Variants in ARK2C observed in about 807,000 individuals in gnomAD.
ARK2C encodes the protein E3 ubiquitin-protein ligase ARK2C.
the ARK2C span, among the ~76,000 whole-genome samples, chr18:46,367,888 G>C: frequency 1.3e-5 from 2 of 152,204 alleles, no homozygotes; most frequent in Non-Finnish European, 2.9e-5. Context: ...GATGGTGCAG[G>C]CATCTGTACT....
chr18:46,352,544 A>G, the ARK2C span, among the ~76,000 whole-genome samples: 57 of 152,304 alleles, frequency 3.7e-4, no homozygotes, highest in African/African-American at 1.3e-3. Context: ...GTGGTGCTCA[A>G]TATCAAGGAC....
chr18:46,407,768 T>C, the ARK2C span, among the ~76,000 whole-genome samples: 1 of 152,256 alleles, frequency 6.6e-6, no homozygotes, highest in Non-Finnish European at 1.5e-5. Context: ...TGGAGAATAC[T>C]ATGTTTAGAG....
At chr18:46,385,453 T>G in the ARK2C span, among the ~76,000 whole-genome samples, 1 of 152,216 alleles carries the variant, frequency 6.6e-6, no homozygotes, top group Non-Finnish European at 1.5e-5. Flanking sequence ...TGCACAAGGA[T>G]GTCCAGGTTG....
At chr18:46,449,146 A>G in the ARK2C span, among the ~76,000 whole-genome samples, 7 of 152,204 alleles carry the variant, frequency 4.6e-5, no homozygotes, top group Non-Finnish European at 4.4e-5. Flanking sequence ...CTGATTTTAA[A>G]GATTGGAAAA....
the ARK2C span, among the ~76,000 whole-genome samples, chr18:46,391,543 C>T: frequency 1.3e-5 from 2 of 152,092 alleles, no homozygotes; most frequent in Non-Finnish European, 2.9e-5. Flanking sequence ...AAGCCTGGAG[C>T]TCCTGAGGCC....
chr18:46,393,083 G>C, the ARK2C span, among the ~76,000 whole-genome samples: 1 of 152,198 alleles, frequency 6.6e-6, no homozygotes, highest in South Asian at 2.1e-4. Context: ...TGAGTCCTTC[G>C]CAATGTGAGG....
chr18:46,385,109 C>T, the ARK2C span, among the ~76,000 whole-genome samples: 1 of 152,162 alleles, frequency 6.6e-6, no homozygotes, highest in Non-Finnish European at 1.5e-5. Context: ...CCAACTCTGG[C>T]GTATATTCTC....
the ARK2C span, among the ~76,000 whole-genome samples, chr18:46,419,905 T>C: frequency 2.6e-4 from 39 of 152,196 alleles, no homozygotes; most frequent in Non-Finnish European, 5.1e-4. Flanking sequence ...CTTTCTTTCC[T>C]GTCTTCCTTT....
At chr18:46,347,392 C>T in the ARK2C span, among the ~76,000 whole-genome samples, 1 of 152,236 alleles carries the variant, frequency 6.6e-6, no homozygotes, top group Non-Finnish European at 1.5e-5. Context: ...TGCCTCCTCT[C>T]CTGCCCCTCT....
At chr18:46,414,706 C>A in the ARK2C span, among the ~76,000 whole-genome samples, 1 of 152,108 alleles carries the variant, frequency 6.6e-6, no homozygotes, top group African/African-American at 2.4e-5. Context: ...ATACACACAG[C>A]CTTGAGACTC....
At chr18:46,354,030 A>G in the ARK2C span, among the ~76,000 whole-genome samples, 2 of 152,186 alleles carry the variant, frequency 1.3e-5, no homozygotes. Flanking sequence ...AGCTCCCCAC[A>G]TCTCAGTCTC....
At chr18:46,449,812 G>A in the ARK2C span, among the ~76,000 whole-genome samples, 1 of 151,948 alleles carries the variant, frequency 6.6e-6, no homozygotes, top group Non-Finnish European at 1.5e-5. Flanking sequence ...TTTTTTTTAA[G>A]TTACCCATTC....
At chr18:46,382,991 C>T in the ARK2C span, among the ~76,000 whole-genome samples, 2 of 152,258 alleles carry the variant, frequency 1.3e-5, no homozygotes, top group African/African-American at 2.4e-5. Context: ...ACTCCCCCCA[C>T]CCCCTGGGTC....
the ARK2C span, among the ~76,000 whole-genome samples, chr18:46,397,624 G>T: frequency 7.4e-6 from 1 of 134,522 alleles, no homozygotes; most frequent in Non-Finnish European, 1.6e-5. Context: ...TCATGCTGAG[G>T]TGTGAGGGTG....
the ARK2C span, among the ~76,000 whole-genome samples, chr18:46,349,972 C>A: frequency 1.3e-5 from 2 of 152,168 alleles, no homozygotes; most frequent in South Asian, 2.1e-4. Flanking sequence ...TTTACACGTA[C>A]GTATCTGTAT....
chr18:46,353,812 A>T, the ARK2C span, among the ~76,000 whole-genome samples: 1 of 152,176 alleles, frequency 6.6e-6, no homozygotes, highest in South Asian at 2.1e-4. Context: ...AGCCCATGTC[A>T]AGGACCCAGA....
the ARK2C span, among the ~76,000 whole-genome samples, chr18:46,343,857 C>G: frequency 1.3e-5 from 2 of 152,244 alleles, no homozygotes; most frequent in African/African-American, 4.8e-5. Flanking sequence ...TGGCTAGTAG[C>G]CCACCCAGGG....
At chr18:46,360,620 C>G in the ARK2C span, among the ~76,000 whole-genome samples, 1 of 152,180 alleles carries the variant, frequency 6.6e-6, no homozygotes, top group South Asian at 2.1e-4. Context: ...CAGCCCCAGG[C>G]GAAAGACCCC....
At chr18:46,399,171 C>T in the ARK2C span, among the ~76,000 whole-genome samples, 1 of 152,160 alleles carries the variant, frequency 6.6e-6, no homozygotes, top group East Asian at 1.9e-4. Context: ...CTGTGCTTAT[C>T]TTTTGGGTGA....
Sources: gnomAD v4.1 joint callset for allele counts (sites outside exome capture counted in the v4.1 genomes callset) on GRCh38, gnomAD v4.1.1 for gene constraint, MANE v1.5 for transcripts, NCBI Gene and HGNC (gene_info 2026-07-23, HGNC 2026-07-21) for gene names.